CFAP107: variants seen among roughly 807,000 people sequenced by gnomAD.
CFAP107 encodes cilia and flagella associated protein 107, also known as cilia- and flagella-associated protein 107.
At chr1:12,755,625 A>G in the CFAP107 span, 48 of 953,564 alleles carry the variant, frequency 5.0e-5, no homozygotes, top group Non-Finnish European at 7.5e-5. Flanking sequence ...CTGATGGCCC[A>G]GGAGGTAAGG....
chr1:12,757,386 TTTTC>T, the CFAP107 span, among the ~76,000 whole-genome samples: 165 of 125,698 alleles, frequency 1.3e-3, 2 homozygotes, highest in African/African-American at 5.5e-3. Context: ...CCTTTTTTTC[TTTTC>T]TTTTTTTTTG....
the CFAP107 span, chr1:12,746,511 C>G: frequency 1.2e-6 from 2 of 1,613,264 alleles, no homozygotes; most frequent in Non-Finnish European, 1.7e-6. Flanking sequence ...CGAAAGTGCT[C>G]ACTGGAAATT....
the CFAP107 span, among the ~76,000 whole-genome samples, chr1:12,754,610 AC>A: frequency 6.6e-6 from 1 of 152,248 alleles, no homozygotes. Context: ...CAACCCAAGT[AC>A]CCACTGATGG....
the CFAP107 span, among the ~76,000 whole-genome samples, chr1:12,758,648 T>C: frequency 6.6e-6 from 1 of 152,146 alleles, no homozygotes; most frequent in Non-Finnish European, 1.5e-5. Context: ...TGTAAGTCAG[T>C]GCAGATCCCC....
At chr1:12,747,011 T>G in the CFAP107 span, among the ~76,000 whole-genome samples, 2 of 151,878 alleles carry the variant, frequency 1.3e-5, no homozygotes, top group Non-Finnish European at 2.9e-5. Context: ...GTCCAGGGAT[T>G]TGCTGCTGCT....
the CFAP107 span, among the ~76,000 whole-genome samples, chr1:12,752,629 A>G: frequency 1.3e-5 from 2 of 151,026 alleles, no homozygotes; most frequent in Non-Finnish European, 3.0e-5. Context: ...GGAAAAAAAG[A>G]CATGATCATC....
the CFAP107 span, chr1:12,759,183 A>G: frequency 1.9e-6 from 2 of 1,059,016 alleles, no homozygotes; most frequent in Non-Finnish European, 2.8e-6. Context: ...ACCCTTTGCC[A>G]GCCCACGGAT....
chr1:12,760,773 C>T, the CFAP107 span: 2 of 1,612,674 alleles, frequency 1.2e-6, no homozygotes, highest in Non-Finnish European at 1.7e-6. Context: ...CTTGCAGCTC[C>T]CCCTACAAAC....
chr1:12,752,555 T>TA, the CFAP107 span, among the ~76,000 whole-genome samples: 18,776 of 46,568 alleles, frequency 0.4, 4,665 homozygotes, highest in African/African-American at 0.44. Flanking sequence ...CGACTCTGTC[T>TA]AAAAAAAAAA....
chr1:12,760,418 C>T, the CFAP107 span, among the ~76,000 whole-genome samples: 6 of 152,308 alleles, frequency 3.9e-5, no homozygotes, highest in Middle Eastern at 3.4e-3. Flanking sequence ...TTCTTCTCAA[C>T]ATCACTCTCA....
At chr1:12,750,353 T>C in the CFAP107 span, among the ~76,000 whole-genome samples, 1 of 152,166 alleles carries the variant, frequency 6.6e-6, no homozygotes, top group African/African-American at 2.4e-5. Flanking sequence ...AAACAAATAC[T>C]AAAATGGCAA....
chr1:12,750,630 G>T, the CFAP107 span, among the ~76,000 whole-genome samples: 1 of 152,036 alleles, frequency 6.6e-6, no homozygotes, highest in African/African-American at 2.4e-5. Flanking sequence ...GAGACAAAGA[G>T]GGACACTATA....
chr1:12,746,798 C>T, the CFAP107 span, among the ~76,000 whole-genome samples: 1 of 152,108 alleles, frequency 6.6e-6, no homozygotes, highest in African/African-American at 2.4e-5. Flanking sequence ...ACAGATATAA[C>T]AGGGGCATTG....
At chr1:12,761,020 C>A in the CFAP107 span, 1 of 1,410,522 alleles carries the variant, frequency 7.1e-7, no homozygotes, top group South Asian at 1.4e-5. Context: ...ACTTGCCAGA[C>A]AACAAGTGGC....
the CFAP107 span, among the ~76,000 whole-genome samples, chr1:12,759,130 T>A: frequency 0.37 from 55,902 of 152,032 alleles, 11,286 homozygotes; most frequent in African/African-American, 0.55. Context: ...TGTGTTTGAA[T>A]GTGGGATGCC....
chr1:12,752,985 AACAC>A, the CFAP107 span, among the ~76,000 whole-genome samples: 163 of 152,308 alleles, frequency 1.1e-3, no homozygotes, highest in Non-Finnish European at 2.0e-3. Flanking sequence ...ATATATAGGA[AACAC>A]ACACACATGC....
chr1:12,754,411 G>T, the CFAP107 span, among the ~76,000 whole-genome samples: 2 of 152,188 alleles, frequency 1.3e-5, no homozygotes, highest in Non-Finnish European at 2.9e-5. Context: ...GCACCCTTGT[G>T]CCCTAAATGG....
At chr1:12,754,556 A>C in the CFAP107 span, among the ~76,000 whole-genome samples, 9 of 152,240 alleles carry the variant, frequency 5.9e-5, no homozygotes, top group African/African-American at 2.2e-4. Flanking sequence ...ATATTTGTAC[A>C]TTCACATTAA....
the CFAP107 span, chr1:12,755,773 C>A: frequency 1.2e-6 from 2 of 1,613,804 alleles, no homozygotes; most frequent in South Asian, 1.1e-5. Flanking sequence ...GACCACAGAC[C>A]AGACCAGATC....
Sources: allele counts gnomAD v4.1 joint callset (sites outside exome capture counted in the v4.1 genomes callset), GRCh38; gene constraint gnomAD v4.1.1; transcripts MANE v1.5; gene names NCBI Gene and HGNC (gene_info 2026-07-23, HGNC 2026-07-21).